The following LOC400499 variants were observed in gnomAD, a reference collection of about 807,000 sequenced individuals.
At chr16:11,479,833 C>T in the LOC400499 span, among the ~76,000 whole-genome samples, 219 of 152,144 alleles carry the variant, frequency 1.4e-3, 1 homozygote, top group African/African-American at 5.0e-3. Flanking sequence ...GTCCTCTTTC[C>T]GTCCCGAGAT....
the LOC400499 span, among the ~76,000 whole-genome samples, chr16:11,508,006 A>C: frequency 6.6e-6 from 1 of 152,218 alleles, no homozygotes; most frequent in Non-Finnish European, 1.5e-5. Context: ...TGGAACTTGT[A>C]AATTTCCCTT....
At chr16:11,407,330 T>G in the LOC400499 span, 1 of 391,026 alleles carries the variant, frequency 2.6e-6, no homozygotes, top group Non-Finnish European at 4.5e-6. Context: ...ACCCTTGGAG[T>G]AGTGTAGCTG....
At chr16:11,437,470 G>C in the LOC400499 span, among the ~76,000 whole-genome samples, 1 of 152,212 alleles carries the variant, frequency 6.6e-6, no homozygotes, top group Non-Finnish European at 1.5e-5. Context: ...GTGGTGAAAG[G>C]ATGGCTGGAG....
chr16:11,415,427 C>T, the LOC400499 span, among the ~76,000 whole-genome samples: 3 of 152,304 alleles, frequency 2.0e-5, no homozygotes, highest in East Asian at 1.9e-4. Context: ...CCCTGAGCCT[C>T]GACTTCCTTA....
chr16:11,373,615 A>G, the LOC400499 span, among the ~76,000 whole-genome samples: 3 of 147,580 alleles, frequency 2.0e-5, no homozygotes, highest in Admixed American at 6.8e-5. Context: ...GCAAGCCACC[A>G]TGCCCAGCTA....
chr16:11,397,035 A>G, the LOC400499 span, among the ~76,000 whole-genome samples: 2 of 152,068 alleles, frequency 1.3e-5, no homozygotes, highest in Non-Finnish European at 2.9e-5. Context: ...ATTCCTGCAC[A>G]ACGTTTACTA....
chr16:11,416,173 C>A, the LOC400499 span, among the ~76,000 whole-genome samples: 1 of 152,060 alleles, frequency 6.6e-6, no homozygotes, highest in Non-Finnish European at 1.5e-5. Context: ...TAGTCTCGAA[C>A]TCCTGACCTC....
At chr16:11,440,941 G>C in the LOC400499 span, 2 of 399,104 alleles carry the variant, frequency 5.0e-6, no homozygotes, top group East Asian at 7.1e-5. Context: ...ACCCATACCT[G>C]GTAGGAATGG....
chr16:11,416,310 G>A, the LOC400499 span, among the ~76,000 whole-genome samples: 108 of 152,214 alleles, frequency 7.1e-4, no homozygotes, highest in Middle Eastern at 3.4e-3. Context: ...GGGAGTCCCC[G>A]GGATCCTGAA....
At chr16:11,496,535 G>A in the LOC400499 span, among the ~76,000 whole-genome samples, 281 of 152,278 alleles carry the variant, frequency 1.8e-3, 2 homozygotes, top group African/African-American at 6.4e-3. Context: ...TCCCACTTGG[G>A]TGTGCAGGTG....
At chr16:11,428,465 C>T in the LOC400499 span, among the ~76,000 whole-genome samples, 1 of 152,128 alleles carries the variant, frequency 6.6e-6, no homozygotes, top group Non-Finnish European at 1.5e-5. Context: ...TGAGCCACCG[C>T]GGCCGGCCCA....
the LOC400499 span, among the ~76,000 whole-genome samples, chr16:11,433,463 C>A: frequency 6.6e-6 from 1 of 152,152 alleles, no homozygotes; most frequent in Non-Finnish European, 1.5e-5. Context: ...ACTCAAAATA[C>A]CAGCATAATA....
chr16:11,397,113 C>G, the LOC400499 span, among the ~76,000 whole-genome samples: 2 of 152,210 alleles, frequency 1.3e-5, no homozygotes, highest in Non-Finnish European at 2.9e-5. Flanking sequence ...ATGCGCCACC[C>G]AGGAGGCCGG....
the LOC400499 span, chr16:11,435,622 G>T: frequency 1.0e-5 from 4 of 399,182 alleles, no homozygotes; most frequent in Admixed American, 4.4e-5. Context: ...TGGCCTCTGT[G>T]GTCTCCCTGC....
chr16:11,497,145 CATG>C, the LOC400499 span, among the ~76,000 whole-genome samples: 22 of 152,294 alleles, frequency 1.4e-4, no homozygotes, highest in African/African-American at 5.1e-4. Context: ...TGCATGTACA[CATG>C]ATCCAGTGTG....
the LOC400499 span, chr16:11,390,466 G>C: frequency 8.1e-7 from 1 of 1,238,970 alleles, no homozygotes. Context: ...CAGGGGCCCT[G>C]CAACAGGCAG....
the LOC400499 span, among the ~76,000 whole-genome samples, chr16:11,405,076 T>C: frequency 6.6e-6 from 1 of 152,178 alleles, no homozygotes; most frequent in Non-Finnish European, 1.5e-5. Flanking sequence ...GAGGGGAGTA[T>C]GGCCAACAGG....
chr16:11,384,709 A>G, the LOC400499 span, among the ~76,000 whole-genome samples: 2 of 152,194 alleles, frequency 1.3e-5, no homozygotes, highest in East Asian at 1.9e-4. Flanking sequence ...TCATCTGGAC[A>G]TGGGGTCAAT....
the LOC400499 span, chr16:11,414,690 A>G: frequency 1.8e-4 from 72 of 396,858 alleles, no homozygotes; most frequent in Non-Finnish European, 2.7e-4. Flanking sequence ...CCTCCGTGAC[A>G]TCATCTGTCA....
Sources: allele counts gnomAD v4.1 joint callset (sites outside exome capture counted in the v4.1 genomes callset), GRCh38; gene constraint gnomAD v4.1.1; transcripts MANE v1.5.